The following WNT2B variants were observed in gnomAD, a reference collection of about 807,000 sequenced individuals.
WNT2B encodes Wnt family member 2B.
A neutral mutation model predicts 40.5 loss-of-function variants in WNT2B; 19 were observed. The observed-to-expected ratio is 0.47, with a 90% CI of 0.33 to 0.69. The LOEUF (loss-of-function observed/expected upper bound fraction) is 0.69, where lower values mean the gene tolerates loss of function less well. WNT2B is among the 30% of genes least tolerant of loss of function. The probability of loss-of-function intolerance (pLI) is 0.02; values close to 1 mark genes in which losing one functional copy is unlikely to be tolerated. For synonymous variants in WNT2B, 220 were observed against 211.9 expected (o/e 1.04, Z -0.33); for missense variants, 467 against 556.4 (o/e 0.84, Z 1.62).
chr1:112,496,384 A>C (rs916850168), intron 1 of WNT2B, among the ~76,000 whole-genome samples: 1 of 152,142 alleles, frequency 6.6e-6, no homozygotes, highest in Non-Finnish European at 1.5e-5. Context: ...CAAAATACTC[A>C]TTCCATCCCA....
chr1:112,501,529 G>A (rs1463690523), intron 1 of WNT2B, among the ~76,000 whole-genome samples: 1 of 152,146 alleles, frequency 6.6e-6, no homozygotes, highest in East Asian at 1.9e-4. Flanking sequence ...TCATTTATTT[G>A]TATCAGCATG....
chr1:112,493,246 T>C (rs775391389), intron 1 of WNT2B, among the ~76,000 whole-genome samples: 72 of 152,332 alleles, frequency 4.7e-4, no homozygotes, highest in Middle Eastern at 3.4e-3. Flanking sequence ...GACGAAAGAA[T>C]GCCTTTGATG....
intron 1 of WNT2B, among the ~76,000 whole-genome samples, chr1:112,471,534 C>T (rs771376904): frequency 1.2e-4 from 19 of 152,172 alleles, no homozygotes; most frequent in Middle Eastern, 3.2e-3. Flanking sequence ...TGTCTCTAGT[C>T]AGCCATTTTG....
chr1:112,472,772 G>A (rs532165652), intron 1 of WNT2B, among the ~76,000 whole-genome samples: 1 of 152,118 alleles, frequency 6.6e-6, no homozygotes, highest in South Asian at 2.1e-4. Context: ...ACTTCAGGGT[G>A]GGCAACATGG....
rs1272094551 is a variant in WNT2B, at chr1:112,523,973, A to C, written c.*3464A>C. The C allele has an allele frequency of 6.6e-6, 1 of 152,014 alleles. No individual in the cohort carries two copies. Among genetic ancestry groups the C allele is most frequent in the Non-Finnish European group, 1.5e-5 (1 of 68,012 alleles). The allele number at this position is 152,014 out of a possible 1,614,324, so 9.4% of individuals were successfully genotyped here. A position where few individuals can be genotyped will look rare whatever the true frequency, so the allele number is the denominator to read the frequency against. On this transcript the variant is annotated 3_prime_UTR_variant, in exon 5 of 5. Coordinates refer to ENST00000369684, the MANE Select transcript of WNT2B (RefSeq NM_024494.3). ...ACACTCTTCCTTAGAGTGATGCTGG[A>C]AAAATAAAATCAGGGGCTTCAGATT... is the stretch of plus-strand genomic sequence containing the variant.
In WNT2B at chr1:112,525,090, G is replaced by C. The variant is rs1274182659; in HGVS notation, c.*4581G>C. On this transcript the variant is annotated 3_prime_UTR_variant, in exon 5 of 5. Transcript: ENST00000369684. The stretch of plus-strand genomic sequence containing the variant: ...GGCTGAGACTGTATAAGTTCGCAAG[G>C]CTGGTTCATGCCAGAGATAGTGAGA... 1 of 152,218 alleles carries C rather than the reference G, an allele frequency of 6.6e-6. No homozygotes were observed. Among genetic ancestry groups the C allele is most frequent in the African/African-American group, 2.4e-5 (1 of 41,418 alleles). 9.4% of individuals were successfully genotyped at this position (152,218 alleles called of 1,614,324 possible).
chr1:112,493,913 A>G (rs1337425925), intron 1 of WNT2B, among the ~76,000 whole-genome samples: 2 of 147,024 alleles, frequency 1.4e-5, no homozygotes, highest in Admixed American at 1.4e-4. Context: ...TAGGCATATC[A>G]TATTTAAAAC....
chr1:112,467,303 C>T (rs1302644699), exon 1 of WNT2B: 3 of 534,724 alleles, frequency 5.6e-6, no homozygotes, highest in East Asian at 3.2e-5. Context: ...AATTTGTGCC[C>T]TTATTTGGTG....
At chr1:112,487,706 G>A (rs751175731) in intron 1 of WNT2B, among the ~76,000 whole-genome samples, 1 of 152,126 alleles carries the variant, frequency 6.6e-6, no homozygotes, top group Non-Finnish European at 1.5e-5. Flanking sequence ...GCTGAAGCGG[G>A]TGGATTGCTT....
intron 1 of WNT2B, among the ~76,000 whole-genome samples, chr1:112,477,918 T>A (rs991020479): frequency 6.6e-6 from 1 of 152,094 alleles, no homozygotes; most frequent in Admixed American, 6.5e-5. Flanking sequence ...CTGAAATCAA[T>A]ATATGTATTT....
Position 112,509,214 on chromosome 1 carries a change from G to C in WNT2B, c.-49G>C. The C allele has an allele frequency of 6.9e-7, 1 of 1,456,254 alleles. No individual in the cohort carries two copies. The highest frequency in any genetic ancestry group is 2.8e-5 in the East Asian group (1 of 35,602). The allele number at this position is 1,456,254 out of a possible 1,614,324, so 90.2% of individuals were successfully genotyped here. A position where few individuals can be genotyped will look rare whatever the true frequency, so the allele number is the denominator to read the frequency against. ...AGCAGCCTGAGTACCCCCAGAAGGT[G>C]CCCCGTCCACGCCCCTCCGGGCTGC... On this transcript the variant is annotated 5_prime_UTR_variant, in exon 1 of 5. Transcript: ENST00000369684. This position sits in a 1 kb window ranked among gnomAD's most constrained non-coding sequence, Gnocchi z 4.2.
upstream of WNT2B, among the ~76,000 whole-genome samples, chr1:112,507,325 T>C (rs1652138665): frequency 6.6e-6 from 1 of 152,224 alleles, no homozygotes; most frequent in Non-Finnish European, 1.5e-5. Context: ...GGGCATAGAC[T>C]GTTCACCAAT....
At chr1:112,488,878 C>A (rs373760728) in intron 1 of WNT2B, among the ~76,000 whole-genome samples, 1 of 151,944 alleles carries the variant, frequency 6.6e-6, no homozygotes, top group Non-Finnish European at 1.5e-5. Flanking sequence ...TTTTTAGAGA[C>A]AGGATTTTCC....
intron 1 of WNT2B, among the ~76,000 whole-genome samples, chr1:112,480,959 G>A (rs1293517528): frequency 3.3e-5 from 5 of 151,906 alleles, no homozygotes; most frequent in African/African-American, 7.3e-5. Flanking sequence ...ACCTGAGGTC[G>A]GGAGATCAAG....
At chr1:112,491,067 C>A (rs754363592) in intron 1 of WNT2B, 1 of 1,613,972 alleles carries the variant, frequency 6.2e-7, no homozygotes, top group Non-Finnish European at 8.5e-7. Flanking sequence ...CAGCGTTCAA[C>A]AAGTGTTTGC....
intron 1 of WNT2B, among the ~76,000 whole-genome samples, chr1:112,478,185 G>A (rs1056470120): frequency 1.3e-5 from 2 of 152,066 alleles, no homozygotes; most frequent in Non-Finnish European, 2.9e-5. Flanking sequence ...AATGAGCTGT[G>A]ATTGCACCAC....
intron 1 of WNT2B, among the ~76,000 whole-genome samples, chr1:112,501,573 A>G (rs1651956774): frequency 6.6e-6 from 1 of 152,210 alleles, no homozygotes; most frequent in Non-Finnish European, 1.5e-5. Context: ...GCTTTGGGTT[A>G]CAATCGAAAA....
intron 1 of WNT2B, among the ~76,000 whole-genome samples, chr1:112,479,400 C>G (rs1024829939): frequency 2.4e-4 from 36 of 151,486 alleles, no homozygotes; most frequent in African/African-American, 8.3e-4. Flanking sequence ...ATGGTGAAAC[C>G]CCGTCTCTAC....
In WNT2B at chr1:112,509,268, G is replaced by A; in HGVS notation, c.6G>A (p.Leu2=). The A allele has an allele frequency of 1.3e-6, 2 of 1,530,124 alleles. No homozygotes were observed. Among genetic ancestry groups the A allele is most frequent in the Admixed American group, 4.1e-5 (2 of 49,096 alleles). 94.8% of individuals were successfully genotyped at this position (1,530,124 alleles called of 1,614,324 possible). M[L]RPGGAEEAAQ... Reference sequence around the variant, plus strand: ...GCGGGAGTCTTCGGGGAGCTATGCTGAGACCGGGTGGTGCGGAGGAAGCTG... The same window carrying A: ...GCGGGAGTCTTCGGGGAGCTATGCTAAGACCGGGTGGTGCGGAGGAAGCTG... The change falls in exon 1 of 5, where the codon CTG becomes CTA. Residue 2 remains leucine (L), a synonymous_variant. Coordinates refer to ENST00000369684, the MANE Select transcript of WNT2B (RefSeq NM_024494.3). The surrounding 1 kb of genome is among the most constrained non-coding windows in gnomAD (Gnocchi z 4.2).
Sources: allele counts gnomAD v4.1 joint callset (sites outside exome capture counted in the v4.1 genomes callset), GRCh38; gene constraint gnomAD v4.1.1; non-coding constraint Gnocchi (gnomAD v3.1); transcripts MANE v1.5; gene names NCBI Gene and HGNC (gene_info 2026-07-23, HGNC 2026-07-21).